Variants in AUTS2 observed in about 807,000 individuals in gnomAD.
AUTS2 encodes the protein activator of transcription and developmental regulator AUTS2.
In AUTS2, 17 loss-of-function variants were observed where a neutral mutation model predicts 112.4. The observed-to-expected ratio is 0.15, with a 90% CI of 0.10 to 0.23. The LOEUF (loss-of-function observed/expected upper bound fraction) is 0.23, where lower values mean the gene tolerates loss of function less well. Among genes scored for constraint, AUTS2 ranks in the 10% least tolerant of loss-of-function variants. The pLI, the probability that AUTS2 is intolerant of heterozygous loss-of-function variation, is 1.00. For synonymous variants in AUTS2, 751 were observed against 702.7 expected (o/e 1.07, Z -1.09); for missense variants, 1,510 against 1,701.6 (o/e 0.89, Z 1.98).
At chr7:70,551,031 G>A (rs1455739708) in intron 5 of AUTS2, among the ~76,000 whole-genome samples, 2 of 152,052 alleles carry the variant, frequency 1.3e-5, no homozygotes, top group African/African-American at 2.4e-5. Context: ...ACTGATAGGG[G>A]CACATCAAAG....
At chr7:70,297,809 C>G (rs1789015492) in intron 4 of AUTS2, among the ~76,000 whole-genome samples, 1 of 152,144 alleles carries the variant, frequency 6.6e-6, no homozygotes, top group Admixed American at 6.5e-5. Context: ...TCTTAGACAT[C>G]ATCTATCCCA....
intron 2 of AUTS2, among the ~76,000 whole-genome samples, chr7:70,010,224 C>T (rs909278465): frequency 6.6e-6 from 1 of 152,104 alleles, no homozygotes; most frequent in African/African-American, 2.4e-5. Context: ...CAGCTCACTG[C>T]AGCCCTGACC....
intron 4 of AUTS2, among the ~76,000 whole-genome samples, chr7:70,280,024 G>A (rs1266762447): frequency 1.1e-4 from 17 of 152,166 alleles, no homozygotes; most frequent in Admixed American, 1.0e-3. Context: ...TGAACACATA[G>A]TTCTTTACTT....
intron 2 of AUTS2, among the ~76,000 whole-genome samples, chr7:70,056,547 A>C (rs1402268002): frequency 6.6e-6 from 1 of 152,220 alleles, no homozygotes; most frequent in Non-Finnish European, 1.5e-5. Context: ...CTGGGAGCTG[A>C]TAAGTGCTCA....
intron 5 of AUTS2, among the ~76,000 whole-genome samples, chr7:70,603,923 CA>C (rs35925222): frequency 0.52 from 79,549 of 151,936 alleles, 21,493 homozygotes; most frequent in Middle Eastern, 0.59. Flanking sequence ...TTCTGCCACT[CA>C]AAAAATCAAT....
chr7:70,104,392 G>A (rs191299253), intron 2 of AUTS2, among the ~76,000 whole-genome samples: 271 of 152,222 alleles, frequency 1.8e-3, no homozygotes, highest in Admixed American at 3.9e-3. Flanking sequence ...ACACATTGGC[G>A]AAATATCCTG....
At chr7:70,788,704 T>C (rs1279975358) in intron 18 of AUTS2, among the ~76,000 whole-genome samples, 1 of 152,186 alleles carries the variant, frequency 6.6e-6, no homozygotes, top group East Asian at 1.9e-4. Flanking sequence ...CCCTTAAAAG[T>C]TATTCTTCTT....
chr7:69,746,345 T>G (rs980575192), intron 1 of AUTS2, among the ~76,000 whole-genome samples: 2 of 152,162 alleles, frequency 1.3e-5, no homozygotes, highest in Non-Finnish European at 2.9e-5. Context: ...CTCATGAAAC[T>G]TACCTTCTAC....
At chr7:70,096,012 C>G (rs1282000030) in intron 2 of AUTS2, among the ~76,000 whole-genome samples, 1 of 152,134 alleles carries the variant, frequency 6.6e-6, no homozygotes, top group Non-Finnish European at 1.5e-5. Context: ...TTATAACTTC[C>G]TCTTCACTGG....
intron 6 of AUTS2, among the ~76,000 whole-genome samples, chr7:70,719,682 G>A (rs1424591248): frequency 2.0e-5 from 3 of 151,950 alleles, no homozygotes; most frequent in Admixed American, 6.6e-5. Flanking sequence ...CAAGCTGGTC[G>A]TGAACTCCTG....
intron 5 of AUTS2, among the ~76,000 whole-genome samples, chr7:70,692,739 A>G (rs910217059): frequency 3.3e-5 from 5 of 149,570 alleles, no homozygotes; most frequent in African/African-American, 1.2e-4. Flanking sequence ...AGGGGGAAGT[A>G]TGCCATACAG....
intron 4 of AUTS2, among the ~76,000 whole-genome samples, chr7:70,393,836 CCA>C (rs1793971983): frequency 6.6e-6 from 1 of 152,158 alleles, no homozygotes; most frequent in African/African-American, 2.4e-5. Context: ...TCACTTTCCC[CCA>C]GTTTCCTTGC....
At position 69,756,693 on chromosome 7, in the gene AUTS2, C is replaced by T. The variant is rs1787959397; in HGVS notation, c.310-142593C>T. ...ACTTTTTGCCTGAATGCAGGGATGA[C>T]TTGCTAGTAACTACCAGTTTTTATC... On this transcript the variant is annotated intron_variant, in intron 1 of 18. Transcript: ENST00000342771. 2.6e-5 allele frequency among the ~76,000 whole-genome samples: 4 copies of T among 151,850 alleles called. No individual in the cohort carries two copies. The East Asian group carries it at 7.7e-4, about 29-fold the overall frequency.
At chr7:70,153,897 A>G (rs931815930) in intron 4 of AUTS2, among the ~76,000 whole-genome samples, 1 of 152,152 alleles carries the variant, frequency 6.6e-6, no homozygotes, top group African/African-American at 2.4e-5. Flanking sequence ...AAAGAGCCCA[A>G]TCCTTTTTTT....
intron 5 of AUTS2, among the ~76,000 whole-genome samples, chr7:70,678,557 GAC>G (rs1808045731): frequency 6.6e-6 from 1 of 152,206 alleles, no homozygotes; most frequent in Admixed American, 6.5e-5. Context: ...GTCTTTTCAA[GAC>G]ACACTTTGAG....
chr7:69,975,317 A>G (rs1199231468), intron 2 of AUTS2, among the ~76,000 whole-genome samples: 1 of 151,810 alleles, frequency 6.6e-6, no homozygotes, highest in African/African-American at 2.4e-5. Context: ...TTTAACTATG[A>G]TGTGTCTTGG....
chr7:70,256,172 C>T (rs973575906), intron 4 of AUTS2, among the ~76,000 whole-genome samples: 2 of 152,136 alleles, frequency 1.3e-5, no homozygotes, highest in Admixed American at 1.3e-4. Context: ...TCCTGATTAC[C>T]TTCATGGGGC....
At chr7:70,216,335 ATT>A (rs1230994252) in intron 4 of AUTS2, among the ~76,000 whole-genome samples, 9 of 152,198 alleles carry the variant, frequency 5.9e-5, no homozygotes, top group Admixed American at 5.9e-4. Flanking sequence ...TTAATGTTTG[ATT>A]TGCTAATCCA....
At chr7:70,434,097 T>C (rs1795790723) in intron 4 of AUTS2, among the ~76,000 whole-genome samples, 2 of 152,202 alleles carry the variant, frequency 1.3e-5, no homozygotes, top group African/African-American at 2.4e-5. Context: ...CACGTTCTTA[T>C]ACACTCATGT....
Sources: gnomAD v4.1 joint callset for allele counts (sites outside exome capture counted in the v4.1 genomes callset) on GRCh38, gnomAD v4.1.1 for gene constraint, MANE v1.5 for transcripts, NCBI Gene and HGNC (gene_info 2026-07-23, HGNC 2026-07-21) for gene names.